The following NRCAM variants were observed in gnomAD, a reference collection of about 807,000 sequenced individuals.
The protein encoded by NRCAM is neuronal cell adhesion molecule, also known as NgCAM-related cell adhesion molecule.
A neutral mutation model predicts 156.5 loss-of-function variants in NRCAM; 83 were observed. The ratio of observed to expected loss-of-function variants is 0.53; its 90% CI spans 0.44 to 0.64. The LOEUF (loss-of-function observed/expected upper bound fraction) is 0.64. NRCAM is among the 30% of genes least tolerant of loss of function. The probability of loss-of-function intolerance (pLI) is 0.00; values close to 1 mark genes in which losing one functional copy is unlikely to be tolerated. For synonymous variants in NRCAM, 538 were observed against 563.9 expected (o/e 0.95, Z 0.65); for missense variants, 1,417 against 1,597.3 (o/e 0.89, Z 1.92).
At chr7:108,448,430 T>C (rs753640324) in intron 1 of NRCAM, among the ~76,000 whole-genome samples, 2 of 152,226 alleles carry the variant, frequency 1.3e-5, no homozygotes, top group Admixed American at 1.3e-4. Flanking sequence ...AAGAAAAGAC[T>C]ATGTCGAGTC....
At chr7:108,403,798 A>C (rs966347097) in intron 1 of NRCAM, among the ~76,000 whole-genome samples, 1 of 152,176 alleles carries the variant, frequency 6.6e-6, no homozygotes. Flanking sequence ...AGTTAGCTTC[A>C]ACCTTCCCTG....
At chr7:108,381,471 A>G (rs2099700577) in intron 2 of NRCAM, among the ~76,000 whole-genome samples, 1 of 152,062 alleles carries the variant, frequency 6.6e-6, no homozygotes, top group African/African-American at 2.4e-5. Context: ...AAGGGCAAAT[A>G]GCGTTTCAAA....
chr7:108,254,338 T>C (rs1365377309), intron 3 of NRCAM, among the ~76,000 whole-genome samples: 1 of 152,060 alleles, frequency 6.6e-6, no homozygotes, highest in Non-Finnish European at 1.5e-5. Context: ...TATACAAATA[T>C]CTAACAAGCA....
chr7:108,279,192 G>T (rs774239669), intron 3 of NRCAM, among the ~76,000 whole-genome samples: 2 of 152,186 alleles, frequency 1.3e-5, no homozygotes, highest in African/African-American at 2.4e-5. Context: ...AAAATCGCTG[G>T]AAAGTCTCTG....
rs143312756 is a variant in NRCAM at position 108,348,772 on chromosome 7, G to A, written c.-173-36041C>T. 2.6e-3 allele frequency among the ~76,000 whole-genome samples: 388 copies of A among 151,988 alleles called. 1 individual carries two copies. Among genetic ancestry groups the A allele is most frequent in the African/African-American group, 9.1e-3 (377 of 41,444 alleles). ...CCACTAAAAATACAAAAAATAGCTG[G>A]GCCCTGTAGTCCCAGCCACTCGGGA... is the stretch of plus-strand genomic sequence containing the variant. On this transcript the variant is annotated intron_variant, in intron 2 of 32. Transcript: ENST00000379028.
intron 2 of NRCAM, among the ~76,000 whole-genome samples, chr7:108,327,910 T>A (rs1272254875): frequency 2.6e-5 from 4 of 151,990 alleles, no homozygotes; most frequent in Non-Finnish European, 4.4e-5. Context: ...CTCAAAAACA[T>A]CAGGCATGCA....
intron 3 of NRCAM, among the ~76,000 whole-genome samples, chr7:108,283,424 C>T (rs1269472279): frequency 6.6e-6 from 1 of 152,142 alleles, no homozygotes; most frequent in Non-Finnish European, 1.5e-5. Context: ...AGATGAATGC[C>T]AGATTAGTCA....
chr7:108,296,324 C>T (rs2098453541), intron 3 of NRCAM, among the ~76,000 whole-genome samples: 1 of 152,082 alleles, frequency 6.6e-6, no homozygotes, highest in South Asian at 2.1e-4. Flanking sequence ...TATTAATATC[C>T]TAATATCTTT....
At chr7:108,376,557 T>C (rs2099676622) in intron 2 of NRCAM, among the ~76,000 whole-genome samples, 1 of 152,198 alleles carries the variant, frequency 6.6e-6, no homozygotes, top group South Asian at 2.1e-4. Context: ...TGTTCTCATG[T>C]TACTTTAAAA....
At chr7:108,150,637 C>G (rs986309392) in intron 32 of NRCAM, 5 of 505,862 alleles carry the variant, frequency 9.9e-6, no homozygotes, top group African/African-American at 4.0e-5. Flanking sequence ...GAAGCAAAAT[C>G]CTGCATTTCA....
At chr7:108,235,476 A>G (rs2153773115) in intron 5 of NRCAM, among the ~76,000 whole-genome samples, 1 of 152,316 alleles carries the variant, frequency 6.6e-6, no homozygotes, top group African/African-American at 2.4e-5. Flanking sequence ...GTGTTATGAC[A>G]GGAAGTGACT....
At chr7:108,192,764 T>C (rs762569775) in intron 17 of NRCAM, among the ~76,000 whole-genome samples, 2 of 152,198 alleles carry the variant, frequency 1.3e-5, no homozygotes, top group Non-Finnish European at 2.9e-5. Flanking sequence ...CTTACATGTA[T>C]AAACTCTCAT....
Position 108,149,894 on chromosome 7 carries a change from G to A in NRCAM, c.*16C>T, listed in dbSNP as rs754988416. On this transcript the variant is annotated 3_prime_UTR_variant, in exon 33 of 33. Transcript: ENST00000379028. ...AACATTCTAGAGAAATGGAATATTG[G>A]CAAAGAGCTTAAAAATTAAACAAAG... 1 of 1,592,100 alleles carries A rather than the reference G, an allele frequency of 6.3e-7. No individual in the cohort carries two copies. The highest frequency in any genetic ancestry group is 1.7e-5 in the Admixed American group (1 of 57,226).
chr7:108,349,393 C>A (rs371593987), intron 2 of NRCAM, among the ~76,000 whole-genome samples: 1 of 151,830 alleles, frequency 6.6e-6, no homozygotes, highest in Admixed American at 6.6e-5. Context: ...CTCAGCCTCC[C>A]GAGTAGCTGG....
chr7:108,334,130 G>T (rs547797366), intron 2 of NRCAM, among the ~76,000 whole-genome samples: 65 of 152,128 alleles, frequency 4.3e-4, no homozygotes, highest in African/African-American at 1.4e-3. Flanking sequence ...AAGAATTTTT[G>T]AACATTTTCC....
intron 8 of NRCAM, among the ~76,000 whole-genome samples, chr7:108,228,448 C>T (rs1301862708): frequency 6.6e-6 from 1 of 151,944 alleles, no homozygotes; most frequent in African/African-American, 2.4e-5. Flanking sequence ...AGGGTGTTGG[C>T]AGACCAAATG....
chr7:108,186,646 G>C (rs1436825482), intron 20 of NRCAM, among the ~76,000 whole-genome samples: 1 of 151,922 alleles, frequency 6.6e-6, no homozygotes, highest in Non-Finnish European at 1.5e-5. Flanking sequence ...GGCTCCCTTA[G>C]GCCAAAAGAA....
At chr7:108,406,485 G>A (rs2099807847) in intron 1 of NRCAM, among the ~76,000 whole-genome samples, 1 of 152,162 alleles carries the variant, frequency 6.6e-6, no homozygotes, top group Non-Finnish European at 1.5e-5. Context: ...TACTTCAAAT[G>A]GTAAGGGATA....
At chr7:108,411,672 G>A (rs938887800) in intron 1 of NRCAM, among the ~76,000 whole-genome samples, 1 of 152,122 alleles carries the variant, frequency 6.6e-6, no homozygotes, top group African/African-American at 2.4e-5. Context: ...TGGGATTACA[G>A]GTGTGCGCCA....
Sources: allele counts gnomAD v4.1 joint callset (sites outside exome capture counted in the v4.1 genomes callset), GRCh38; gene constraint gnomAD v4.1.1; transcripts MANE v1.5; gene names NCBI Gene and HGNC (gene_info 2026-07-23, HGNC 2026-07-21).